The following BICD1 variants were observed in gnomAD, a reference collection of about 807,000 sequenced individuals.
BICD1 encodes protein bicaudal D homolog 1.
A neutral mutation model predicts 92.5 loss-of-function variants in BICD1; 35 were observed. The observed-to-expected ratio is 0.38, with a 90% confidence interval of 0.29 to 0.50. BICD1 has a LOEUF of 0.50. Among genes scored for constraint, BICD1 ranks in the 20% least tolerant of loss-of-function variants. The pLI is 0.93. For missense variants in BICD1, 950 were observed against 1,189.8 expected (o/e 0.80, Z 2.97); for synonymous variants, 429 against 465.1 (o/e 0.92, Z 1.00).
At chr12:32,114,901 T>A (rs1941833362) in intron 1 of BICD1, among the ~76,000 whole-genome samples, 1 of 152,180 alleles carries the variant, frequency 6.6e-6, no homozygotes, top group Non-Finnish European at 1.5e-5. Flanking sequence ...CCATTTAGGG[T>A]TATGGGGGCT....
chr12:32,365,034 G>C (rs559233590), intron 8 of BICD1, among the ~76,000 whole-genome samples: 7 of 152,274 alleles, frequency 4.6e-5, no homozygotes, highest in Admixed American at 3.3e-4. Flanking sequence ...TCAGGAGTTA[G>C]AGACCAGCCT....
chr12:32,182,487 T>G (rs1286282859), intron 1 of BICD1, among the ~76,000 whole-genome samples: 1 of 151,568 alleles, frequency 6.6e-6, no homozygotes, highest in Non-Finnish European at 1.5e-5. Context: ...TTCATCATGT[T>G]GGCCAGGCTG....
chr12:32,232,969 G>A (rs57613647), intron 2 of BICD1, among the ~76,000 whole-genome samples: 10,530 of 152,096 alleles, frequency 0.069, 860 homozygotes, highest in East Asian at 0.38. Flanking sequence ...AGCGCCAAAT[G>A]GAAAATTAAA....
rs1937676973 is a variant in BICD1, at chr12:32,328,718, A to G, written c.2100+163A>G. ...GCCAGATCAGAATGTCATAATAATT[A>G]TTGTTTTTAAATGATGAAATACCTG... On this transcript the variant is annotated intron_variant, in intron 5 of 9. Coordinates refer to ENST00000652176, the MANE Select transcript of BICD1 (RefSeq NM_001714.4). The surrounding 1 kb of genome is among the most constrained non-coding windows in gnomAD (Gnocchi z 4.4). Among the ~76,000 whole-genome samples, 1 of 152,210 alleles carries G rather than the reference A, an allele frequency of 6.6e-6. No individual in the cohort carries two copies. The highest frequency in any genetic ancestry group is 2.4e-5 in the African/African-American group (1 of 41,450).
chr12:32,275,985 CGCCCACCACCATCTTGGAAGCG>C (rs1290513129), intron 2 of BICD1, among the ~76,000 whole-genome samples: 2 of 151,956 alleles, frequency 1.3e-5, no homozygotes, highest in Non-Finnish European at 1.5e-5. Context: ...TCTTGGAAGC[CGCCCACCACCATCTTGGAAGCG>C]GCTTGCCACC....
chr12:32,332,370 C>T lies in BICD1; in HGVS notation c.2101-2146C>T, dbSNP rs942320677. 9.1e-6 allele frequency: 8 copies of T among 875,926 alleles called. No homozygotes were observed. In the African/African-American group the frequency reaches 1.5e-4, roughly 16 times the overall value. The allele number at this position is 875,926 out of a possible 1,614,324, so 54.3% of individuals were successfully genotyped here. On this transcript the variant is annotated intron_variant, in intron 5 of 9. Transcript: ENST00000652176. ...AACCTGCACATCCTGCAGCTGTACC[C>T]CTGAACTTAAAAGTTAAAAATAAAT...
chr12:32,288,223 A>ATTTTTTTT (rs34913740), intron 2 of BICD1, among the ~76,000 whole-genome samples: 1,264 of 109,424 alleles, frequency 0.012, 75 homozygotes, highest in African/African-American at 0.044. Context: ...CCAAGTCCTA[A>ATTTTTTTT]TTTTTTTTTT....
At chr12:32,188,143 G>A (rs1398275878) in intron 1 of BICD1, among the ~76,000 whole-genome samples, 1 of 152,116 alleles carries the variant, frequency 6.6e-6, no homozygotes, top group Non-Finnish European at 1.5e-5. Flanking sequence ...TCACCATGTG[G>A]GCTGGGCTGG....
chr12:32,367,853 A>G (rs1939584930), intron 9 of BICD1, 108 bp downstream of exon 9: 1 of 1,022,070 alleles, frequency 9.8e-7, no homozygotes, highest in Non-Finnish European at 1.5e-6. Flanking sequence ...ATTTTGCTGT[A>G]TTTTATTTCA....
chr12:32,320,720 A>G (rs2136244024), intron 4 of BICD1, among the ~76,000 whole-genome samples: 1 of 152,292 alleles, frequency 6.6e-6, no homozygotes, highest in East Asian at 1.9e-4. Context: ...AGGAACAACA[A>G]TGACAATAGT....
intron 2 of BICD1, among the ~76,000 whole-genome samples, chr12:32,217,499 A>C (rs143313953): frequency 1.3e-5 from 2 of 152,348 alleles, no homozygotes; most frequent in Non-Finnish European, 2.9e-5. Context: ...CAATGAACTA[A>C]ATGAATACTG....
intron 8 of BICD1, chr12:32,354,256 C>T (rs968275490): frequency 2.0e-5 from 3 of 152,064 alleles, no homozygotes; most frequent in African/African-American, 7.2e-5. Flanking sequence ...AAAAATGCTC[C>T]CTCTCTACTT....
chr12:32,264,435 T>C (rs766336385), intron 2 of BICD1, among the ~76,000 whole-genome samples: 28 of 152,206 alleles, frequency 1.8e-4, no homozygotes, highest in Non-Finnish European at 3.1e-4. Flanking sequence ...AAAATACATA[T>C]AGAATTGATA....
At chr12:32,254,882 C>G (rs1479203226) in intron 2 of BICD1, among the ~76,000 whole-genome samples, 1 of 152,154 alleles carries the variant, frequency 6.6e-6, no homozygotes, top group East Asian at 1.9e-4. Flanking sequence ...GGCATTTTTT[C>G]TCCCAAAGCA....
chr12:32,297,377 A>G (rs1000252402), intron 3 of BICD1, among the ~76,000 whole-genome samples: 1 of 151,860 alleles, frequency 6.6e-6, no homozygotes, highest in African/African-American at 2.4e-5. Context: ...TTGTATTTTT[A>G]GTTGAGACAG....
Position 32,142,661 on chromosome 12 carries a change from G to A in BICD1, c.213+35117G>A, listed in dbSNP as rs150810123. On this transcript the variant is annotated intron_variant, in intron 1 of 9. Transcript: ENST00000652176. ...TAAAGAGATCTCACACCATATTTGA[G>A]GGCTTCATTAGTTTTCTAAGCCTTA... Among the ~76,000 whole-genome samples the A allele has an allele frequency of 1.9e-3, 279 of 150,754 alleles. 2 individuals carry two copies. The highest frequency in any genetic ancestry group is 6.4e-3 in the African/African-American group (261 of 40,972).
chr12:32,179,797 C>A (rs770604965), intron 1 of BICD1, among the ~76,000 whole-genome samples: 2 of 151,676 alleles, frequency 1.3e-5, no homozygotes, highest in African/African-American at 4.8e-5. Context: ...TTGAGACCAA[C>A]CTGGCCAGCA....
chr12:32,187,874 TTTG>T (rs971203248), intron 1 of BICD1, among the ~76,000 whole-genome samples: 237 of 152,150 alleles, frequency 1.6e-3, no homozygotes, highest in African/African-American at 5.5e-3. Context: ...GAATCTAAAT[TTTG>T]TTGTTGTTGT....
chr12:32,152,529 G>A (rs2630577), intron 1 of BICD1, among the ~76,000 whole-genome samples: 112,588 of 152,052 alleles, frequency 0.74, 41,811 homozygotes, highest in Admixed American at 0.79. Context: ...CCTGGCTGAG[G>A]CTGGTATTTT....
Sources: gnomAD v4.1 joint callset for allele counts (sites outside exome capture counted in the v4.1 genomes callset) on GRCh38, gnomAD v4.1.1 for gene constraint, Gnocchi (gnomAD v3.1) non-coding constraint, MANE v1.5 for transcripts, NCBI Gene and HGNC (gene_info 2026-07-23, HGNC 2026-07-21) for gene names.